The following EHMT1 variants were observed in gnomAD, a reference collection of about 807,000 sequenced individuals.
EHMT1 encodes euchromatic histone lysine methyltransferase 1.
In EHMT1, 15 loss-of-function variants were observed where a neutral mutation model predicts 147.2. The observed-to-expected ratio is 0.10, with a 90% confidence interval of 0.07 to 0.16. The LOEUF (loss-of-function observed/expected upper bound fraction) is 0.16. Ranked by LOEUF, EHMT1 falls within the 10% of genes least tolerant of loss-of-function variation. The pLI, the probability that EHMT1 is intolerant of heterozygous loss-of-function variation, is 1.00. For missense variants in EHMT1, 1,587 were observed against 1,772.4 expected, an observed-to-expected ratio of 0.90 and a Z score of 1.88; for synonymous variants, 795 against 709.6, an observed-to-expected ratio of 1.12 and a Z score of -1.91.
At chr9:137,804,948 CATGT>C (rs1953803196) in intron 18 of EHMT1, among the ~76,000 whole-genome samples, 1 of 152,152 alleles carries the variant, frequency 6.6e-6, no homozygotes, top group Non-Finnish European at 1.5e-5. Flanking sequence ...GTCAGTCATC[CATGT>C]ATGAGTCCGT....
rs758862496 is a variant in EHMT1 at position 137,813,131 on chromosome 9, C to T, written c.2993C>T (p.Ser998Leu). 14 of 1,612,310 alleles carry T rather than the reference C, an allele frequency of 8.7e-6. No individual in the cohort carries two copies. Among genetic ancestry groups the T allele is most frequent in the South Asian group, 7.7e-5 (7 of 91,078 alleles). Residue 998 changes from serine to leucine, a missense_variant, in exon 20 of 27, where the codon TCG (serine) becomes TTG (leucine). Physicochemically the swap from Ser to Leu is moderately radical, Grantham distance 145. This residue lies in a region of EHMT1 where 78 missense variants were observed against 68.9 expected (regional missense o/e 1.13). Transcript: ENST00000460843. This position sits in a 1 kb window ranked among gnomAD's most constrained non-coding sequence, Gnocchi z 4.9. ...ALQMSKALQD[S>L]APDRPSPVER... ...CAGATGAGCAAGGCTCTGCAGGACT[C>T]GGCCCCCGACAGGCCCAGCCCCGTG...
At chr9:137,767,879 A>G (rs940044869) in intron 10 of EHMT1, among the ~76,000 whole-genome samples, 2 of 152,006 alleles carry the variant, frequency 1.3e-5, no homozygotes, top group African/African-American at 4.8e-5. Flanking sequence ...GCCCTCAGAA[A>G]ATTTTGGATT....
chr9:137,787,908 A>G lies in EHMT1; in HGVS notation c.2383-2940A>G, dbSNP rs1952121853. 3.4e-6 allele frequency: 5 copies of G among 1,463,602 alleles called. No homozygotes were observed. Among genetic ancestry groups the G allele is most frequent in the Non-Finnish European group, 4.8e-6 (5 of 1,047,560 alleles). The allele number at this position is 1,463,602 out of a possible 1,614,324, so 90.7% of individuals were successfully genotyped here. A position where few individuals can be genotyped will look rare whatever the true frequency, so the allele number is the denominator to read the frequency against. On this transcript the variant is annotated intron_variant, in intron 15 of 26. Coordinates refer to ENST00000460843, the MANE Select transcript of EHMT1 (RefSeq NM_024757.5). The surrounding 1 kb of genome is among the most constrained non-coding windows in gnomAD (Gnocchi z 4.2). ...GGGCATTACCACATTGGGAGTGTAG[A>G]TTGGCAAGTAGGAGGTGGGCAGCTG... is the stretch of plus-strand genomic sequence containing the variant.
At chr9:137,736,707 A>G (rs1026333716) in intron 4 of EHMT1, among the ~76,000 whole-genome samples, 3 of 152,224 alleles carry the variant, frequency 2.0e-5, no homozygotes, top group African/African-American at 4.8e-5. Flanking sequence ...CCTGGCCAAC[A>G]TGGTGAAACC....
intron 4 of EHMT1, among the ~76,000 whole-genome samples, chr9:137,730,517 G>A (rs747946473): frequency 3.3e-5 from 5 of 152,028 alleles, no homozygotes; most frequent in Non-Finnish European, 7.4e-5. Flanking sequence ...TCTTGAACTC[G>A]TGGGCTCAAG....
At chr9:137,795,806 C>T (rs1411482296) in intron 16 of EHMT1, among the ~76,000 whole-genome samples, 1 of 151,882 alleles carries the variant, frequency 6.6e-6, no homozygotes, top group Non-Finnish European at 1.5e-5. Context: ...CAGTATTAAT[C>T]TAAGAAGACC....
intron 18 of EHMT1, among the ~76,000 whole-genome samples, chr9:137,806,763 C>T (rs1211587226): frequency 1.3e-5 from 2 of 152,226 alleles, no homozygotes; most frequent in Non-Finnish European, 2.9e-5. Context: ...CTGGAAAGTC[C>T]TTATTTTGCT....
chr9:137,755,685 C>T (rs1336525095), intron 8 of EHMT1, among the ~76,000 whole-genome samples: 1 of 152,218 alleles, frequency 6.6e-6, no homozygotes, highest in Non-Finnish European at 1.5e-5. Flanking sequence ...TAGGTCCAGA[C>T]AACACACAAG....
chr9:137,725,392 C>T (rs12004407), intron 3 of EHMT1, among the ~76,000 whole-genome samples: 7,667 of 152,166 alleles, frequency 0.05, 635 homozygotes, highest in African/African-American at 0.17. Context: ...CATGTCTGAG[C>T]TGTGCTTTGA....
rs746504235 is a variant in EHMT1 at position 137,632,414 on chromosome 9, C to T, written c.21+13365C>T. Among the ~76,000 whole-genome samples, 7 of 152,286 alleles carry T rather than the reference C, an allele frequency of 4.6e-5. No individual in the cohort carries two copies. In the South Asian group the frequency reaches 6.2e-4, roughly 14 times the overall value. ...AAATGCAGAGGCGAATGCATGAAGA[C>T]GTAGTCTGAGTTGTGCTCTTTTTTT... On this transcript the variant is annotated intron_variant, in intron 1 of 26. Transcript: ENST00000460843.
rs1954648973 is a variant in EHMT1 at position 137,813,352 on chromosome 9, A to G, written c.3036-34A>G. On this transcript the variant is annotated intron_variant, in intron 20 of 26. Transcript: ENST00000460843. This position sits in a 1 kb window ranked among gnomAD's most constrained non-coding sequence, Gnocchi z 4.9. Reference sequence around the variant, plus strand: ...TGCCACCCCCTGGGCAGAGCACGTCAGCCACCAGGTGACACCTGTCCTTTC... The same window carrying G: ...TGCCACCCCCTGGGCAGAGCACGTCGGCCACCAGGTGACACCTGTCCTTTC... 1.9e-6 allele frequency: 3 copies of G among 1,599,702 alleles called. No homozygotes were observed. In the South Asian group the frequency reaches 3.4e-5, roughly 18 times the overall value.
intron 2 of EHMT1, among the ~76,000 whole-genome samples, chr9:137,711,821 G>A (rs1420194943): frequency 6.6e-6 from 1 of 152,146 alleles, no homozygotes; most frequent in Admixed American, 6.5e-5. Context: ...GACCCATAAG[G>A]GTGGCGGCCG....
intron 1 of EHMT1, among the ~76,000 whole-genome samples, chr9:137,658,421 G>A (rs1938712195): frequency 6.6e-6 from 1 of 152,138 alleles, no homozygotes; most frequent in South Asian, 2.1e-4. Context: ...AAAATGCTGG[G>A]ATTAGAAGCG....
chr9:137,704,761 C>T (rs980413251), intron 1 of EHMT1, among the ~76,000 whole-genome samples: 2 of 151,964 alleles, frequency 1.3e-5, no homozygotes, highest in African/African-American at 4.8e-5. Flanking sequence ...ATTTCCCTTC[C>T]TCCTGCCTTC....
intron 18 of EHMT1, among the ~76,000 whole-genome samples, chr9:137,801,254 C>T (rs1010334782): frequency 2.0e-5 from 3 of 152,198 alleles, no homozygotes; most frequent in African/African-American, 7.2e-5. Context: ...CCTCACGGGG[C>T]TGTGCCTGGG....
At chr9:137,684,009 TTAAC>T (rs1250571697) in intron 1 of EHMT1, among the ~76,000 whole-genome samples, 2 of 151,890 alleles carry the variant, frequency 1.3e-5, no homozygotes, top group African/African-American at 4.9e-5. Flanking sequence ...TTTTTTCCTA[TTAAC>T]TGTTTTTTGT....
Position 137,814,525 on chromosome 9 carries a change from G to A in EHMT1, c.3258+17G>A. ...TACGACAAGGTGAGGGCGGCCTCGT[G>A]TGCGTGGGCTCAGGTGGTAAGTGCC... is the stretch of plus-strand genomic sequence containing the variant. On this transcript the variant is annotated intron_variant, in intron 22 of 26. Coordinates refer to ENST00000460843, the MANE Select transcript of EHMT1 (RefSeq NM_024757.5). 2 of 1,603,000 alleles carry A rather than the reference G, an allele frequency of 1.2e-6. No homozygotes were observed. Among genetic ancestry groups the A allele is most frequent in the Non-Finnish European group, 1.7e-6 (2 of 1,179,932 alleles).
At chr9:137,737,519 C>A (rs1302738862) in intron 4 of EHMT1, among the ~76,000 whole-genome samples, 1 of 152,100 alleles carries the variant, frequency 6.6e-6, no homozygotes, top group Non-Finnish European at 1.5e-5. Context: ...TAAGACAGGT[C>A]CAGGACCTAA....
At chr9:137,774,665 G>A (rs1205576156) in intron 10 of EHMT1, among the ~76,000 whole-genome samples, 2 of 132,068 alleles carry the variant, frequency 1.5e-5, no homozygotes, top group African/African-American at 3.1e-5. Context: ...GGATGTGGTC[G>A]CGCCTGGCCC....
Sources: allele counts gnomAD v4.1 joint callset (sites outside exome capture counted in the v4.1 genomes callset), GRCh38; gene constraint gnomAD v4.1.1; regional missense constraint gnomAD v4.1.1; non-coding constraint Gnocchi (gnomAD v3.1); transcripts MANE v1.5; gene names NCBI Gene and HGNC (gene_info 2026-07-23, HGNC 2026-07-21).